PHIP: variants seen among roughly 807,000 people sequenced by gnomAD.
PHIP encodes PH-interacting protein.
PHIP carries 54 observed loss-of-function variants against 236.8 expected under a neutral mutation model. The ratio of observed to expected loss-of-function variants is 0.23; its 90% CI spans 0.18 to 0.29. PHIP has a LOEUF of 0.29. Ranked by LOEUF, PHIP falls within the 10% of genes least tolerant of loss-of-function variation. The probability of loss-of-function intolerance (pLI) is 1.00; values close to 1 mark genes in which losing one functional copy is unlikely to be tolerated. For missense variants in PHIP, 1,370 were observed against 2,190.8 expected (o/e 0.63, Z 7.48); for synonymous variants, 756 against 718.9 (o/e 1.05, Z -0.83).
In PHIP at chr6:78,942,258, G is replaced by A. The variant is rs147039271; in HGVS notation, c.4829-928C>T. Among the ~76,000 whole-genome samples the A allele has an allele frequency of 6.6e-4, 100 of 152,244 alleles. 1 individual carries two copies. The South Asian group carries it at 8.1e-3, about 12-fold the overall frequency. On this transcript the variant is annotated intron_variant, in intron 39 of 39. Coordinates refer to ENST00000275034, the MANE Select transcript of PHIP (RefSeq NM_017934.7). ...AGCACTCTGGGAGGCCAAAGTGGGC[G>A]GATCACCTGAGGTCAGGAGTTCGAG...
chr6:78,948,254 C>T (rs1283888787), intron 35 of PHIP, among the ~76,000 whole-genome samples: 1 of 152,066 alleles, frequency 6.6e-6, no homozygotes, highest in Non-Finnish European at 1.5e-5. Context: ...AACTTCAGTA[C>T]TAAAATTGGG....
Position 78,934,778 on chromosome 6 carries a change from C to A in PHIP, c.*5915G>T, listed in dbSNP as rs150699408. Among the ~76,000 whole-genome samples the A allele has an allele frequency of 6.6e-6, 1 of 152,174 alleles. No individual in the cohort carries two copies. Among genetic ancestry groups the A allele is most frequent in the Non-Finnish European group, 1.5e-5 (1 of 68,024 alleles). On this transcript the variant is annotated 3_prime_UTR_variant, in exon 40 of 40. Coordinates refer to ENST00000275034, the MANE Select transcript of PHIP (RefSeq NM_017934.7). ...ATGAGGAAAATGAAGCTCTGAGATA[C>A]GACTTTGCTGGGGTTCCTCTACTTC... is the stretch of plus-strand genomic sequence containing the variant.
chr6:78,996,646 A>T (rs1769635749), intron 19 of PHIP, among the ~76,000 whole-genome samples: 1 of 152,206 alleles, frequency 6.6e-6, no homozygotes, highest in Non-Finnish European at 1.5e-5. Context: ...TTAATTCTAA[A>T]TCCTAACATA....
rs757542852 is a variant in PHIP at position 78,978,610 on chromosome 6, C to G, written c.2871G>C (p.Val957=). ...TDTIPRRCPF[V]PQMGDEVYYF... Reference sequence around the variant, plus strand: ...AAAGTACCTCATCACCCATCTGTGGCACAAATGGACATCTTCGGGGAATGG... The same window carrying G: ...AAAGTACCTCATCACCCATCTGTGGGACAAATGGACATCTTCGGGGAATGG... Residue 957 remains valine (V), a synonymous_variant, in exon 24 of 40, where the codon GTG becomes GTC. Transcript: ENST00000275034. 1.9e-6 allele frequency: 3 copies of G among 1,590,312 alleles called. No homozygotes were observed. The highest frequency in any genetic ancestry group is 2.6e-6 in the Non-Finnish European group (3 of 1,163,882).
At chr6:79,067,680 C>T (rs1330244568) in intron 4 of PHIP, 1 of 152,512 alleles carries the variant, frequency 6.6e-6, no homozygotes, top group African/African-American at 2.4e-5. Flanking sequence ...AGTTTACCAC[C>T]CCCTGATCGA....
chr6:78,995,183 C>A (rs147516312), intron 19 of PHIP, among the ~76,000 whole-genome samples: 3 of 152,104 alleles, frequency 2.0e-5, no homozygotes, highest in Non-Finnish European at 4.4e-5. Context: ...AGATTCATAC[C>A]CATTGTATCA....
intron 9 of PHIP, among the ~76,000 whole-genome samples, chr6:79,024,202 G>C (rs1771273356): frequency 6.6e-6 from 1 of 152,146 alleles, no homozygotes. Context: ...TCATATACAT[G>C]AAGTTAAAGA....
At chr6:79,073,622 A>G (rs1211975169) in intron 4 of PHIP, among the ~76,000 whole-genome samples, 1 of 152,034 alleles carries the variant, frequency 6.6e-6, no homozygotes, top group Non-Finnish European at 1.5e-5. Flanking sequence ...CTTTCACATT[A>G]ATCAGCACAC....
chr6:78,980,220 G>A lies in PHIP; in HGVS notation c.2770-1509C>T, dbSNP rs1768420923. Among the ~76,000 whole-genome samples the A allele has an allele frequency of 2.6e-5, 4 of 151,330 alleles. 1 individual carries two copies. The South Asian group carries it at 8.3e-4, about 31-fold the overall frequency. The stretch of plus-strand genomic sequence containing the variant: ...ACCCATTTATGTATTGTCTATAAAT[G>A]CTATTATGGCAGAGTAGCTGGCCTT... On this transcript the variant is annotated intron_variant, in intron 23 of 39. Transcript: ENST00000275034.
chr6:79,039,377 T>C (rs1772098232), intron 7 of PHIP, among the ~76,000 whole-genome samples: 1 of 152,192 alleles, frequency 6.6e-6, no homozygotes, highest in Admixed American at 6.6e-5. Flanking sequence ...ATTCGACTCC[T>C]AAATTTACCA....
chr6:78,969,984 T>C, intron 26 of PHIP, 65 bp downstream of exon 26: 1 of 1,589,484 alleles, frequency 6.3e-7, no homozygotes, highest in Non-Finnish European at 8.6e-7. Context: ...TGTTCAAATG[T>C]ATCTGAATCT....
rs1259871703 is a variant in PHIP, at chr6:79,002,334, T to G, written c.1654-210A>C. On this transcript the variant is annotated intron_variant, in intron 16 of 39. Transcript: ENST00000275034. ...ATTATGATCAGAAAAGTAGCTGCTT[T>G]AAATTTTCTCTGAAACAAGTAAGGG... is the stretch of plus-strand genomic sequence containing the variant. Among the ~76,000 whole-genome samples the G allele has an allele frequency of 2.0e-5, 3 of 152,126 alleles. No homozygotes were observed. The East Asian group carries it at 5.8e-4, about 29-fold the overall frequency.
chr6:78,964,186 T>G (rs913346119), intron 29 of PHIP, among the ~76,000 whole-genome samples: 1 of 152,150 alleles, frequency 6.6e-6, no homozygotes, highest in Admixed American at 6.5e-5. Flanking sequence ...ATTTAAGATA[T>G]TTTATAATTT....
intron 6 of PHIP, among the ~76,000 whole-genome samples, chr6:79,049,022 G>C (rs1423772170): frequency 1.3e-5 from 2 of 151,624 alleles, no homozygotes; most frequent in African/African-American, 4.8e-5. Flanking sequence ...TTATGAGAAG[G>C]TTTTCATTAA....
In PHIP at chr6:78,939,846, A is replaced by G. The variant is rs898034526; in HGVS notation, c.*847T>C. ...TATTTTCTATTAGTACCAAAAAAAG[A>G]TATATCTCAGCATAACTCTTTAATA... On this transcript the variant is annotated 3_prime_UTR_variant, in exon 40 of 40. Transcript: ENST00000275034. 6.6e-6 allele frequency: 1 copy of G among 152,446 alleles called. No homozygotes were observed. The highest frequency in any genetic ancestry group is 1.5e-5 in the Non-Finnish European group (1 of 67,900). 9.4% of individuals were successfully genotyped at this position (152,446 alleles called of 1,614,324 possible). A position where few individuals can be genotyped will look rare whatever the true frequency, so the allele number is the denominator to read the frequency against.
At chr6:78,991,818 A>G (rs948144612) in intron 19 of PHIP, among the ~76,000 whole-genome samples, 3 of 152,012 alleles carry the variant, frequency 2.0e-5, no homozygotes, top group Non-Finnish European at 4.4e-5. Context: ...AATCTTGTGA[A>G]AAGAACAGGC....
At chr6:78,965,669 T>C (rs767912597) in intron 29 of PHIP, 34 bp downstream of exon 29, 42 of 1,196,510 alleles carry the variant, frequency 3.5e-5, no homozygotes, top group Non-Finnish European at 2.7e-5. Context: ...ATTAACTCCA[T>C]AATGGAGAAA....
chr6:79,043,101 G>C, intron 6 of PHIP, 98 bp from the exon 7 acceptor site: 1 of 958,322 alleles, frequency 1.0e-6, no homozygotes, highest in Non-Finnish European at 1.6e-6. Flanking sequence ...GTCATGTGCA[G>C]GTAAAAATAA....
At chr6:78,948,009 TA>T (rs1055673953) in intron 35 of PHIP, among the ~76,000 whole-genome samples, 1 of 152,110 alleles carries the variant, frequency 6.6e-6, no homozygotes, top group Non-Finnish European at 1.5e-5. Context: ...CAGAAGTTAT[TA>T]ATTTTTCACT....
Sources: gnomAD v4.1 joint callset for allele counts (sites outside exome capture counted in the v4.1 genomes callset) on GRCh38, gnomAD v4.1.1 for gene constraint, MANE v1.5 for transcripts, NCBI Gene and HGNC (gene_info 2026-07-23, HGNC 2026-07-21) for gene names.